COQ10B: variants seen among roughly 807,000 people sequenced by gnomAD.
COQ10B encodes coenzyme Q-binding protein COQ10 homolog B, mitochondrial.
Under a neutral mutation model 27.6 loss-of-function variants are expected in COQ10B, and 12 were observed. The observed-to-expected ratio is 0.43, with a 90% CI of 0.28 to 0.70. COQ10B has a LOEUF of 0.70. COQ10B is among the 30% of genes least tolerant of loss of function. The pLI is 0.17. For missense variants in COQ10B, 278 were observed against 288.7 expected (o/e 0.96, Z 0.27); for synonymous variants, 115 against 103.0 (o/e 1.12, Z -0.71).
rs1361911016 is a variant in COQ10B, at chr2:197,473,441, T to TAC, written c.550-312_550-311dup. On this transcript the variant is annotated intron_variant, in intron 4 of 4. Transcript: ENST00000263960. The stretch of plus-strand genomic sequence containing the variant: ...ATATATATATATATATATATATATA[T>TAC]ACACATATATACATATATATATATG... Among the ~76,000 whole-genome samples the TAC allele has an allele frequency of 1.5e-3, 145 of 98,212 alleles. 7 individuals carry two copies. The highest frequency in any genetic ancestry group is 3.1e-3 in the African/African-American group (76 of 24,806). 64.4% of individuals were successfully genotyped at this position (98,212 alleles called of 152,430 possible).
chr2:197,454,188 C>G, intron 1 of COQ10B: 1 of 1,475,536 alleles, frequency 6.8e-7, no homozygotes, highest in Non-Finnish European at 9.2e-7. Flanking sequence ...GATTTTTTCA[C>G]TCTGCTGTAA....
intron 3 of COQ10B, among the ~76,000 whole-genome samples, chr2:197,463,410 G>T (rs1207585345): frequency 1.3e-5 from 2 of 151,764 alleles, no homozygotes; most frequent in Non-Finnish European, 2.9e-5. Context: ...GGCAGAGGTT[G>T]CAGTGTGCCG....
At chr2:197,469,676 A>G (rs1203833494) in intron 3 of COQ10B, among the ~76,000 whole-genome samples, 1 of 152,174 alleles carries the variant, frequency 6.6e-6, no homozygotes, top group Non-Finnish European at 1.5e-5. Flanking sequence ...TCATGATATA[A>G]AGTAGGTATT....
intron 1 of COQ10B, among the ~76,000 whole-genome samples, chr2:197,455,744 G>A (rs1158371496): frequency 1.3e-5 from 2 of 152,184 alleles, no homozygotes; most frequent in African/African-American, 2.4e-5. Flanking sequence ...AGGATCACTT[G>A]AAATCAGGAG....
At chr2:197,459,908 A>G (rs952803873) in intron 1 of COQ10B, 24 bp from the exon 2 acceptor site, 4 of 1,559,370 alleles carry the variant, frequency 2.6e-6, no homozygotes, top group Non-Finnish European at 3.5e-6. Flanking sequence ...GTCACTCTAA[A>G]TCAGGTGATT....
intron 1 of COQ10B, 143 bp from the exon 2 acceptor site, chr2:197,459,789 G>T: frequency 1.1e-5 from 5 of 465,448 alleles, no homozygotes; most frequent in South Asian, 4.9e-5. Flanking sequence ...TGCTTTTTCT[G>T]TGCCCGTGTG....
chr2:197,473,647 C>A, intron 4 of COQ10B, 110 bp from the exon 5 acceptor site: 1 of 721,686 alleles, frequency 1.4e-6, no homozygotes, highest in Non-Finnish European at 2.1e-6. Context: ...AATTGTGCCA[C>A]TGCACTCCAA....
chr2:197,470,060 T>C lies in COQ10B; in HGVS notation c.448-10T>C. 6.4e-7 allele frequency: 1 copy of C among 1,571,102 alleles called. No homozygotes were observed. The highest frequency in any genetic ancestry group is 1.1e-5 in the South Asian group (1 of 88,748). ...TTTAACTGTGGTTTTATTTTTTCAT[T>C]TTGTTGTAGGCATCTTGTACTGATG... On this transcript the variant is annotated splice_polypyrimidine_tract_variant and intron_variant, in intron 3 of 4. Coordinates refer to ENST00000263960, the MANE Select transcript of COQ10B (RefSeq NM_025147.5).
intron 2 of COQ10B, among the ~76,000 whole-genome samples, chr2:197,461,442 A>G (rs1374288230): frequency 6.6e-6 from 1 of 152,210 alleles, no homozygotes; most frequent in Non-Finnish European, 1.5e-5. Flanking sequence ...CCTGATGGGC[A>G]GGTACTTCCT....
chr2:197,469,116 C>T (rs1328909502), intron 3 of COQ10B, among the ~76,000 whole-genome samples: 1 of 152,218 alleles, frequency 6.6e-6, no homozygotes, highest in African/African-American at 2.4e-5. Context: ...CTCACTGCTG[C>T]CTCAGTCTCC....
intron 1 of COQ10B, 79 bp downstream of exon 1, chr2:197,453,743 GGT>G: frequency 7.7e-7 from 1 of 1,292,602 alleles, no homozygotes; most frequent in Non-Finnish European, 1.1e-6. Context: ...AGGATTTGGG[GGT>G]GAGGCAGAGC....
intron 3 of COQ10B, among the ~76,000 whole-genome samples, chr2:197,467,074 G>T (rs1011772259): frequency 6.6e-6 from 1 of 151,442 alleles, no homozygotes; most frequent in African/African-American, 2.4e-5. Context: ...AGCCTCCTGA[G>T]TAGCTGGGAT....
chr2:197,468,023 T>C (rs909884639), intron 3 of COQ10B, among the ~76,000 whole-genome samples: 3 of 152,230 alleles, frequency 2.0e-5, no homozygotes, highest in Non-Finnish European at 4.4e-5. Context: ...TACTATTCAG[T>C]ATCTCTGCTC....
At chr2:197,464,136 C>T (rs1249325245) in intron 3 of COQ10B, among the ~76,000 whole-genome samples, 1 of 147,694 alleles carries the variant, frequency 6.8e-6, no homozygotes, top group Non-Finnish European at 1.5e-5. Flanking sequence ...CTGCCAAGTA[C>T]CAGGTACTGA....
chr2:197,474,780 A>C lies in COQ10B; in HGVS notation c.*856A>C, dbSNP rs1475627108. On this transcript the variant is annotated 3_prime_UTR_variant, in exon 5 of 5. Transcript: ENST00000263960. The stretch of plus-strand genomic sequence containing the variant: ...GACTAGTAGATAAATTCATTGCCAT[A>C]ATGAGGCTAGCTCCCAGATAAACAG... 1 of 152,028 alleles carries C rather than the reference A, an allele frequency of 6.6e-6. No individual in the cohort carries two copies. The highest frequency in any genetic ancestry group is 2.4e-5 in the African/African-American group (1 of 41,358). The allele number at this position is 152,028 out of a possible 1,614,324, so 9.4% of individuals were successfully genotyped here.
intron 1 of COQ10B, among the ~76,000 whole-genome samples, chr2:197,455,476 TGTG>T (rs2085686123): frequency 6.7e-6 from 1 of 148,322 alleles, no homozygotes; most frequent in African/African-American, 2.5e-5. Context: ...GAAAAAAAAA[TGTG>T]TGTGTGTGTA....
chr2:197,465,917 C>T (rs1270967877), intron 3 of COQ10B, among the ~76,000 whole-genome samples: 1 of 152,088 alleles, frequency 6.6e-6, no homozygotes, highest in Non-Finnish European at 1.5e-5. Flanking sequence ...CACGGTGAAA[C>T]CCCATCTCTA....
intron 3 of COQ10B, among the ~76,000 whole-genome samples, chr2:197,467,995 C>T (rs1409111832): frequency 1.3e-5 from 2 of 152,272 alleles, no homozygotes; most frequent in East Asian, 3.9e-4. Flanking sequence ...AGTAGTAGGT[C>T]ATCATTATGA....
At chr2:197,466,432 T>C (rs1027861248) in intron 3 of COQ10B, among the ~76,000 whole-genome samples, 4 of 152,230 alleles carry the variant, frequency 2.6e-5, no homozygotes, top group African/African-American at 9.6e-5. Flanking sequence ...ATGCTTTCTT[T>C]TATCACTCTG....
Sources: allele counts gnomAD v4.1 joint callset (sites outside exome capture counted in the v4.1 genomes callset), GRCh38; gene constraint gnomAD v4.1.1; transcripts MANE v1.5; gene names NCBI Gene and HGNC (gene_info 2026-07-23, HGNC 2026-07-21).